The following WDR4 variants were observed in gnomAD, a reference collection of about 807,000 sequenced individuals.
WDR4 encodes WDR4 tRNA N7-guanosine methyltransferase non-catalytic subunit.
A neutral mutation model predicts 48.6 loss-of-function variants in WDR4; 47 were observed. The ratio of observed to expected loss-of-function variants is 0.97; its 90% CI spans 0.77 to 1.23. WDR4 has a LOEUF of 1.23. Ranked by LOEUF, WDR4 falls within the 50% of genes most tolerant of loss-of-function variation. The pLI is 0.00. For synonymous variants in WDR4, 268 were observed against 230.0 expected (o/e 1.17, Z -1.49); for missense variants, 606 against 551.6 (o/e 1.10, Z -0.99).
chr21:42,853,513 C>A (rs1282755711), intron 9 of WDR4, 56 bp downstream of exon 9: 23 of 1,554,504 alleles, frequency 1.5e-5, no homozygotes, highest in Middle Eastern at 2.2e-4. Context: ...CCGCCCCACA[C>A]CCCCAGGCTT....
chr21:42,847,595 C>T (rs2057722158), downstream of WDR4, among the ~76,000 whole-genome samples: 2 of 152,202 alleles, frequency 1.3e-5, no homozygotes, highest in African/African-American at 4.8e-5. Context: ...CGTCTCAGTC[C>T]CAGCCACTCC....
downstream of WDR4, among the ~76,000 whole-genome samples, chr21:42,845,502 C>T (rs923918427): frequency 6.6e-6 from 1 of 152,148 alleles, no homozygotes; most frequent in Non-Finnish European, 1.5e-5. Flanking sequence ...CGTGAGCTTG[C>T]GGCACATTTC....
downstream of WDR4, among the ~76,000 whole-genome samples, chr21:42,848,199 G>A (rs1435308863): frequency 6.6e-6 from 1 of 152,210 alleles, no homozygotes; most frequent in Non-Finnish European, 1.5e-5. Flanking sequence ...CCTGTGTGGA[G>A]ACTTCATCAC....
rs2057969282 is a variant in WDR4, at chr21:42,855,681, CCT to C, written c.725_726del (p.Lys243ValfsTer86). The C allele has an allele frequency of 6.5e-7, 1 of 1,548,242 alleles. No individual in the cohort carries two copies. ...LQELVDPQAPQKFAASRIAFW... is the reference protein window; with the variant it reads ...LQELVDPQAPXKFAASRIAFW... ...GCCCAGGAGTGAACAGAAGCAGCTA[CCT>C]GGGGGGCCTGGGGGTCCACCAGCTC... On this transcript the variant is annotated frameshift_variant and splice_region_variant, in exon 7 of 11. Coordinates refer to ENST00000398208, the MANE Select transcript of WDR4 (RefSeq NM_018669.6). LOFTEE classifies it high-confidence loss of function.
At chr21:42,879,743 C>T (rs1220809144), upstream of WDR4, 3 of 503,138 alleles carry the variant, frequency 6.0e-6, no homozygotes, top group Non-Finnish European at 1.1e-5. Context: ...GAGTGCACTT[C>T]GCACGATTCC....
At chr21:42,848,686 GCA>G (rs2057737964), downstream of WDR4, among the ~76,000 whole-genome samples, 1 of 91,782 alleles carries the variant, frequency 1.1e-5, no homozygotes, top group African/African-American at 4.6e-5. Context: ...CTCACACAGC[GCA>G]CGATCACGCG....
rs931005752 is a variant in WDR4 at position 42,852,828 on chromosome 21, T to G, written c.976-504A>C. ...TACTCGGGAGGCTGAGGCAGGAGAA[T>G]CACTTGAACCCGGGAGGCGGAGGTC... On this transcript the variant is annotated intron_variant, in intron 9 of 10. Transcript: ENST00000398208. 6.0e-5 allele frequency among the ~76,000 whole-genome samples: 9 copies of G among 150,470 alleles called. No homozygotes were observed. In the South Asian group the frequency reaches 6.3e-4, roughly 10 times the overall value.
intron 3 of WDR4, among the ~76,000 whole-genome samples, chr21:42,864,233 A>C (rs1052163253): frequency 4.0e-5 from 6 of 151,772 alleles, no homozygotes; most frequent in Non-Finnish European, 5.9e-5. Context: ...TCATCAAGAA[A>C]TGGGGGAATG....
At chr21:42,846,569 T>C (rs1486931557), downstream of WDR4, among the ~76,000 whole-genome samples, 2 of 152,154 alleles carry the variant, frequency 1.3e-5, no homozygotes, top group African/African-American at 4.8e-5. Context: ...AAAGACGGGC[T>C]GGGCATAATG....
At chr21:42,853,884 C>T (rs564018207) in intron 8 of WDR4, 132 bp from the exon 9 acceptor site, 247 of 1,003,094 alleles carry the variant, frequency 2.5e-4, no homozygotes, top group Non-Finnish European at 3.3e-4. Flanking sequence ...GCCCCAGCTG[C>T]GCCACTCCCA....
At chr21:42,854,962 T>C (rs1383948466) in intron 7 of WDR4, among the ~76,000 whole-genome samples, 1 of 152,100 alleles carries the variant, frequency 6.6e-6, no homozygotes, top group African/African-American at 2.4e-5. Context: ...AACTGCCCTG[T>C]GAGCTCCCAC....
rs1107831 is a variant in WDR4, at chr21:42,854,735, A to G, written c.727-109T>C. On this transcript the variant is annotated intron_variant, in intron 7 of 10. Transcript: ENST00000398208. ...AAGGACGCTCACGCCCCCACATATC[A>G]AGGAAGAGGAAACAGCACTGGAACA... 373,974 of 956,778 alleles carry G rather than the reference A, an allele frequency of 0.39. 78,227 individuals are homozygous for G. Among genetic ancestry groups the G allele is most frequent in the African/African-American group, 0.65 (39,163 of 60,354 alleles). 59.3% of individuals were successfully genotyped at this position (956,778 alleles called of 1,614,324 possible).
At position 42,874,888 on chromosome 21, in the gene WDR4, T is replaced by C. The variant is rs187631092; in HGVS notation, c.156-1197A>G. Among the ~76,000 whole-genome samples the C allele has an allele frequency of 1.7e-3, 253 of 152,262 alleles. 1 individual carries two copies. Among genetic ancestry groups the C allele is most frequent in the Middle Eastern group, 0.014 (4 of 294 alleles). On this transcript the variant is annotated intron_variant, in intron 2 of 10. Transcript: ENST00000398208. ...TTTGCCTCGTGATATTCTATTACCT[T>C]GTGAAGCATGTGATCTCTGTGACCC... is the stretch of plus-strand genomic sequence containing the variant.
At chr21:42,892,462 G>A in the WDR4 span, among the ~76,000 whole-genome samples, 1 of 146,338 alleles carries the variant, frequency 6.8e-6, no homozygotes, top group African/African-American at 2.6e-5. Flanking sequence ...CATTCCGCCA[G>A]TTTATCTTGC....
At chr21:42,856,034 T>A (rs144083540) in intron 6 of WDR4, among the ~76,000 whole-genome samples, 4 of 152,188 alleles carry the variant, frequency 2.6e-5, no homozygotes, top group African/African-American at 9.7e-5. Flanking sequence ...ACAAAGCCAA[T>A]GAGGCAGATC....
rs11277851 is a variant in WDR4, at chr21:42,862,759, CT to C, written c.454-366del. Reference sequence around the variant, plus strand: ...TCCTGCCCAACACTGGGTTGCCTTCCTTGCCTTCCTGTCACACATGTCCCCA... The same window carrying C: ...TCCTGCCCAACACTGGGTTGCCTTCCTGCCTTCCTGTCACACATGTCCCCA... On this transcript the variant is annotated intron_variant, in intron 4 of 10. Coordinates refer to ENST00000398208, the MANE Select transcript of WDR4 (RefSeq NM_018669.6). This position sits in a 1 kb window ranked among gnomAD's most constrained non-coding sequence, Gnocchi z 4.3. Among the ~76,000 whole-genome samples the C allele has an allele frequency of 3.1e-3, 101 of 32,182 alleles. 1 individual carries two copies. Among genetic ancestry groups the C allele is most frequent in the African/African-American group, 0.024 (95 of 3,906 alleles). The allele number at this position is 32,182 out of a possible 152,430, so 21.1% of individuals were successfully genotyped here.
upstream of WDR4, chr21:42,879,574 G>A: frequency 1.3e-6 from 2 of 1,551,694 alleles, no homozygotes; most frequent in Non-Finnish European, 1.8e-6. Context: ...GACGCCAGGC[G>A]CAGACGCCGA....
intron 1 of WDR4, among the ~76,000 whole-genome samples, chr21:42,878,510 A>G (rs2058552830): frequency 1.3e-5 from 2 of 152,214 alleles, no homozygotes; most frequent in Non-Finnish European, 2.9e-5. Context: ...GTGAGACCTA[A>G]CTTAACATCG....
At chr21:42,882,837 G>A (rs1190301877), upstream of WDR4, among the ~76,000 whole-genome samples, 5 of 152,056 alleles carry the variant, frequency 3.3e-5, no homozygotes, top group Admixed American at 6.6e-5. Flanking sequence ...AGTGGCTAAC[G>A]CCTGTAATCC....
Sources: allele counts gnomAD v4.1 joint callset (sites outside exome capture counted in the v4.1 genomes callset), GRCh38; gene constraint gnomAD v4.1.1; non-coding constraint Gnocchi (gnomAD v3.1); transcripts MANE v1.5; gene names NCBI Gene and HGNC (gene_info 2026-07-23, HGNC 2026-07-21).